Variants in MYRFL observed in about 807,000 individuals in gnomAD.
The protein encoded by MYRFL is myelin regulatory factor like.
A neutral mutation model predicts 109.4 loss-of-function variants in MYRFL; 88 were observed. The ratio of observed to expected loss-of-function variants is 0.80; its 90% CI spans 0.68 to 0.96. MYRFL has a LOEUF of 0.96. Among genes scored for constraint, MYRFL ranks in the 40% least tolerant of loss-of-function variants. The probability of loss-of-function intolerance (pLI) is 0.00; values close to 1 mark genes in which losing one functional copy is unlikely to be tolerated. For missense variants in MYRFL, 957 were observed against 954.9 expected (o/e 1.00, Z -0.03); for synonymous variants, 324 against 320.9 (o/e 1.01, Z -0.10).
At chr12:69,910,700 C>A in intron 12 of MYRFL, 121 bp from the exon 13 acceptor site, 1 of 576,240 alleles carries the variant, frequency 1.7e-6, no homozygotes, top group Non-Finnish European at 2.9e-6. Flanking sequence ...TATAGTGGTT[C>A]TTGGCTCAAA....
chr12:69,917,429 A>C (rs1377218631), intron 13 of MYRFL, among the ~76,000 whole-genome samples: 1 of 100,234 alleles, frequency 1.0e-5, no homozygotes. Context: ...TATTAGTTGT[A>C]TGAGAGCAGA....
chr12:69,837,491 A>G (rs555944518), intron 1 of MYRFL, among the ~76,000 whole-genome samples: 22 of 152,148 alleles, frequency 1.4e-4, no homozygotes, highest in Admixed American at 2.6e-4. Flanking sequence ...TTGGAAAGGG[A>G]TGCACACTTA....
At chr12:69,922,273 T>C (rs768908160) in intron 13 of MYRFL, among the ~76,000 whole-genome samples, 3 of 152,126 alleles carry the variant, frequency 2.0e-5, no homozygotes, top group Non-Finnish European at 4.4e-5. Context: ...TAAATAATGA[T>C]TTAACATTTA....
At chr12:69,950,990 T>C (rs75020406) in intron 19 of MYRFL, among the ~76,000 whole-genome samples, 62 of 152,326 alleles carry the variant, frequency 4.1e-4, no homozygotes, top group African/African-American at 1.4e-3. Context: ...CAAAGAATAT[T>C]AGTAGACATT....
intron 19 of MYRFL, among the ~76,000 whole-genome samples, chr12:69,942,888 A>T (rs1186077958): frequency 6.6e-6 from 1 of 152,198 alleles, no homozygotes; most frequent in South Asian, 2.1e-4. Flanking sequence ...CCTATACACC[A>T]ACAACAGACA....
At chr12:69,880,372 G>A in intron 5 of MYRFL, 80 bp downstream of exon 5, 1 of 660,676 alleles carries the variant, frequency 1.5e-6, no homozygotes, top group South Asian at 1.7e-5. Flanking sequence ...CAGCCTTTGA[G>A]CAGCCCTGCA....
chr12:69,895,617 C>G lies in MYRFL; in HGVS notation c.1091+136C>G, dbSNP rs1592776972. 29 of 631,630 alleles carry G rather than the reference C, an allele frequency of 4.6e-5. No individual in the cohort carries two copies. In the East Asian group the frequency reaches 7.7e-4, roughly 17 times the overall value. 39.1% of individuals were successfully genotyped at this position (631,630 alleles called of 1,614,324 possible). ...CCTCTAAGCCACTTTCCTCCCTTCT[C>G]TGACTCTCAGTTTATTAACATTTCT... is the stretch of plus-strand genomic sequence containing the variant. On this transcript the variant is annotated intron_variant, in intron 9 of 24. Transcript: ENST00000552032.
chr12:69,911,855 AT>A (rs984633709), intron 13 of MYRFL, among the ~76,000 whole-genome samples: 23 of 152,274 alleles, frequency 1.5e-4, no homozygotes, highest in Admixed American at 1.5e-3. Flanking sequence ...AATGGAGGTA[AT>A]GCTCCCTGAA....
intron 15 of MYRFL, among the ~76,000 whole-genome samples, chr12:69,930,969 CA>C (rs2120463414): frequency 6.6e-6 from 1 of 152,240 alleles, no homozygotes; most frequent in African/African-American, 2.4e-5. Context: ...TAATTCTATG[CA>C]CACCTTAATT....
chr12:69,871,441 C>T (rs1168300122), intron 2 of MYRFL, among the ~76,000 whole-genome samples: 1 of 151,984 alleles, frequency 6.6e-6, no homozygotes, highest in Admixed American at 6.6e-5. Flanking sequence ...ACCGTGTTAG[C>T]CGGGATGGTC....
Position 69,910,870 on chromosome 12 carries a change from G to C in MYRFL, c.1542G>C (p.Glu514Asp), listed in dbSNP as rs1954545260. 6.5e-7 allele frequency: 1 copy of C among 1,535,388 alleles called. No individual in the cohort carries two copies. The highest frequency in any genetic ancestry group is 8.7e-7 in the Non-Finnish European group (1 of 1,146,404). Residue 514 changes from glutamate (E) to aspartate (D), a missense_variant, in exon 13 of 25, where the codon GAG becomes GAC. Transcript: ENST00000552032. Reference protein sequence around the residue: ...VQEILPRAVREVGDVTCGNGE... With the variant: ...VQEILPRAVRDVGDVTCGNGE... ...AAATCCTGCCCAGAGCAGTAAGAGA[G>C]GTTGGTGATGTCACCTGCGGAAACG...
In MYRFL at chr12:69,862,229, C is replaced by T. The variant is rs1475936879; in HGVS notation, c.137+6859C>T. Among the ~76,000 whole-genome samples the T allele has an allele frequency of 5.3e-5, 8 of 150,452 alleles. No homozygotes were observed. In the South Asian group the frequency reaches 1.5e-3, roughly 27 times the overall value. ...TTGGCTTAGGATTGACTTGGCAATGCAGGCTCTTTTTTGGTTCCATATGAA... is the reference window on the plus strand; with the variant it reads ...TTGGCTTAGGATTGACTTGGCAATGTAGGCTCTTTTTTGGTTCCATATGAA... On this transcript the variant is annotated intron_variant, in intron 2 of 24. Transcript: ENST00000552032.
At position 69,917,666 on chromosome 12, in the gene MYRFL, G is replaced by T. The variant is rs117247961; in HGVS notation, c.1602+6736G>T. 1.4e-4 allele frequency among the ~76,000 whole-genome samples: 22 copies of T among 152,144 alleles called. 1 individual carries two copies. In the East Asian group the frequency reaches 4.3e-3, roughly 29 times the overall value. On this transcript the variant is annotated intron_variant, in intron 13 of 24. Transcript: ENST00000552032. ...CGTTATCTTTCTCCTTCACTAGACT[G>T]TGAGACTCCTGAGGTCAGAGAATCT...
chr12:69,877,326 A>G (rs1268357232), intron 2 of MYRFL, among the ~76,000 whole-genome samples: 1 of 152,108 alleles, frequency 6.6e-6, no homozygotes, highest in African/African-American at 2.4e-5. Flanking sequence ...CCAGGCCTCC[A>G]GTTGTTTCTT....
At chr12:69,908,677 A>T (rs1463571202) in intron 11 of MYRFL, among the ~76,000 whole-genome samples, 2 of 152,232 alleles carry the variant, frequency 1.3e-5, no homozygotes, top group African/African-American at 4.8e-5. Flanking sequence ...CTCACATTGT[A>T]ATATAATCAT....
At position 69,957,915 on chromosome 12, in the gene MYRFL, C is replaced by CAGAG; in HGVS notation, c.2546_2549dup (p.Ile851ArgfsTer23). The CAGAG allele has an allele frequency of 6.5e-7, 1 of 1,534,758 alleles. No homozygotes were observed. The highest frequency in any genetic ancestry group is 2.0e-5 in the Admixed American group (1 of 50,980). Reference sequence around the variant, plus strand: ...GGGGAACCAAAGGGCTGGAAAGCCACAGAGAAATCTCCCAGGAGATGACAC... The same window carrying CAGAG: ...GGGGAACCAAAGGGCTGGAAAGCCACAGAGAGAGAAATCTCCCAGGAGATGACAC... On this transcript the variant is annotated frameshift_variant, in exon 23 of 25. Coordinates refer to ENST00000552032, the MANE Select transcript of MYRFL (RefSeq NM_182530.3). LOFTEE classifies it high-confidence loss of function.
intron 15 of MYRFL, among the ~76,000 whole-genome samples, chr12:69,931,254 A>G (rs1171274311): frequency 6.6e-6 from 1 of 152,124 alleles, no homozygotes; most frequent in Non-Finnish European, 1.5e-5. Context: ...AATCCTATTT[A>G]ATTCCAGTCA....
In MYRFL at chr12:69,901,932, C is replaced by A. The variant is rs1459023; in HGVS notation, c.1183-1712C>A. Reference sequence around the variant, plus strand: ...TTCTTGAGACAGAGTATTGCTCTGTCCCCTAGGCTGGAGTGCAGTGGCATG... The same window carrying A: ...TTCTTGAGACAGAGTATTGCTCTGTACCCTAGGCTGGAGTGCAGTGGCATG... On this transcript the variant is annotated intron_variant, in intron 10 of 24. Coordinates refer to ENST00000552032, the MANE Select transcript of MYRFL (RefSeq NM_182530.3). Among the ~76,000 whole-genome samples, 749 of 139,308 alleles carry A rather than the reference C, an allele frequency of 5.4e-3. 5 individuals carry two copies. The highest frequency in any genetic ancestry group is 0.019 in the African/African-American group (712 of 36,818). The allele number at this position is 139,308 out of a possible 152,430, so 91.4% of individuals were successfully genotyped here. A position where few individuals can be genotyped will look rare whatever the true frequency, so the allele number is the denominator to read the frequency against.
chr12:69,882,528 G>T (rs903843847), intron 5 of MYRFL, among the ~76,000 whole-genome samples: 52 of 152,284 alleles, frequency 3.4e-4, no homozygotes, highest in African/African-American at 1.2e-3. Context: ...ACCAATTTTT[G>T]ATCAGAGATG....
Sources: gnomAD v4.1 joint callset for allele counts (sites outside exome capture counted in the v4.1 genomes callset) on GRCh38, gnomAD v4.1.1 for gene constraint, MANE v1.5 for transcripts, NCBI Gene and HGNC (gene_info 2026-07-23, HGNC 2026-07-21) for gene names.